Variants in SNRPN observed in about 807,000 individuals in gnomAD.
SNRPN encodes small nuclear ribonucleoprotein polypeptide N.
Under a neutral mutation model 25.2 loss-of-function variants are expected in SNRPN, and 7 were observed. The observed-to-expected ratio is 0.28, with a 90% CI of 0.16 to 0.52. The LOEUF (loss-of-function observed/expected upper bound fraction) is 0.52, where lower values mean the gene tolerates loss of function less well. Ranked by LOEUF, SNRPN falls within the 20% of genes least tolerant of loss-of-function variation. SNRPN has a pLI of 0.96. For synonymous variants in SNRPN, 124 were observed against 110.6 expected, an observed-to-expected ratio of 1.12 and a Z score of -0.76; for missense variants, 196 against 322.5, an observed-to-expected ratio of 0.61 and a Z score of 3.00.
intron 2 of SNRPN, among the ~76,000 whole-genome samples, chr15:24,889,133 G>A (rs960978707): frequency 1.3e-5 from 2 of 151,938 alleles, no homozygotes; most frequent in African/African-American, 4.8e-5. Flanking sequence ...GGCCAGGCTG[G>A]TCTCGAACTC....
chr15:24,883,553 C>T (rs1375261125), intron 1 of SNRPN, among the ~76,000 whole-genome samples: 1 of 152,188 alleles, frequency 6.6e-6, no homozygotes. Context: ...TGCAATTGCA[C>T]TTTGGATAAT....
chr15:24,876,787 G>T (rs973212195), intron 1 of SNRPN, among the ~76,000 whole-genome samples: 1 of 152,028 alleles, frequency 6.6e-6, no homozygotes, highest in Non-Finnish European at 1.5e-5. Context: ...ATGTAAATTA[G>T]AACTAATAAA....
intron 2 of SNRPN, chr15:24,849,417 CA>C (rs1041597085): frequency 6.6e-6 from 1 of 152,264 alleles, no homozygotes; most frequent in African/African-American, 2.4e-5. Context: ...TTCCCTAGGA[CA>C]CTGGGAGAAT....
intron 1 of SNRPN, among the ~76,000 whole-genome samples, chr15:24,824,348 C>T (rs2049929684): frequency 6.6e-6 from 1 of 152,036 alleles, no homozygotes; most frequent in African/African-American, 2.4e-5. Flanking sequence ...AAATGAGTGT[C>T]GTCATATTGT....
chr15:24,941,675 C>T (rs1310013351), intron 3 of SNRPN, among the ~76,000 whole-genome samples: 2 of 152,178 alleles, frequency 1.3e-5, no homozygotes, highest in Non-Finnish European at 2.9e-5. Context: ...CCTTGGTAAT[C>T]AGGATGAGTG....
chr15:24,916,236 A>T lies in SNRPN; in HGVS notation c.-504-3775A>T, dbSNP rs925941481. On this transcript the variant is annotated intron_variant, in intron 2 of 11. Coordinates refer to the SNRPN transcript ENST00000400097. ...CGGCCTCCCAAAGTGCTGGGATTAC[A>T]GGCGTGAGCCACCGCGCCCAGCCTT... 1.3e-5 allele frequency among the ~76,000 whole-genome samples: 2 copies of T among 152,300 alleles called. 1 individual carries two copies.
intron 1 of SNRPN, among the ~76,000 whole-genome samples, chr15:24,869,883 C>A (rs1226141421): frequency 6.6e-6 from 1 of 152,176 alleles, no homozygotes; most frequent in African/African-American, 2.4e-5. Flanking sequence ...GAGTTGAGAA[C>A]TCTTTACTGT....
intron 1 of SNRPN, among the ~76,000 whole-genome samples, chr15:24,866,687 C>T (rs541985360): frequency 7.9e-5 from 12 of 152,286 alleles, no homozygotes; most frequent in African/African-American, 2.9e-4. Flanking sequence ...AAACTTCTGC[C>T]CAACCCCACC....
chr15:24,886,996 CTTTT>C (rs2057257070), intron 2 of SNRPN, among the ~76,000 whole-genome samples: 1 of 152,084 alleles, frequency 6.6e-6, no homozygotes, highest in Non-Finnish European at 1.5e-5. Flanking sequence ...GTCAAACTGG[CTTTT>C]AATCGTTAAG....
chr15:24,951,894 G>A (rs1316400690), upstream of SNRPN, among the ~76,000 whole-genome samples: 1 of 152,134 alleles, frequency 6.6e-6, no homozygotes, highest in East Asian at 1.9e-4. Context: ...TCTCTTGGCT[G>A]TCTTTTCACT....
chr15:24,866,649 T>C (rs2054598371), intron 1 of SNRPN, among the ~76,000 whole-genome samples: 1 of 152,166 alleles, frequency 6.6e-6, no homozygotes, highest in South Asian at 2.1e-4. Flanking sequence ...ATTCCTCCTC[T>C]CTGACTGAAA....
chr15:24,927,884 G>A (rs1407782664), intron 3 of SNRPN, among the ~76,000 whole-genome samples: 1 of 152,134 alleles, frequency 6.6e-6, no homozygotes, highest in African/African-American at 2.4e-5. Flanking sequence ...TCCATCTGAA[G>A]TGTTCTTAAG....
chr15:24,882,014 C>G (rs1439367887), intron 1 of SNRPN, among the ~76,000 whole-genome samples: 1 of 152,126 alleles, frequency 6.6e-6, no homozygotes, highest in Non-Finnish European at 1.5e-5. Context: ...TTCCCCGATG[C>G]TCTCAGAGGT....
At chr15:24,826,081 G>T (rs1356502886) in intron 1 of SNRPN, among the ~76,000 whole-genome samples, 2 of 152,032 alleles carry the variant, frequency 1.3e-5, no homozygotes, top group Non-Finnish European at 2.9e-5. Context: ...TTAGCATCAT[G>T]AATAAGATGA....
At chr15:24,862,999 C>T (rs939385414) in intron 1 of SNRPN, among the ~76,000 whole-genome samples, 1 of 150,938 alleles carries the variant, frequency 6.6e-6, no homozygotes, top group Non-Finnish European at 1.5e-5. Flanking sequence ...AGAGGCTGCT[C>T]CCTGCGGACT....
At chr15:24,896,225 G>T (rs1051437166) in intron 2 of SNRPN, among the ~76,000 whole-genome samples, 2 of 152,250 alleles carry the variant, frequency 1.3e-5, no homozygotes, top group African/African-American at 4.8e-5. Context: ...CCTGAAGCAT[G>T]GTGACAGTAG....
At chr15:24,878,829 T>C (rs1595643893) in intron 1 of SNRPN, among the ~76,000 whole-genome samples, 1 of 152,270 alleles carries the variant, frequency 6.6e-6, no homozygotes, top group Non-Finnish European at 1.5e-5. Context: ...GATACTACTT[T>C]AATCATTTCT....
intron 2 of SNRPN, among the ~76,000 whole-genome samples, chr15:24,834,745 CTCTCTCTATA>C (rs2050875437): frequency 1.3e-5 from 1 of 77,012 alleles, no homozygotes; most frequent in Non-Finnish European, 2.4e-5. Flanking sequence ...CTCTCTCTCT[CTCTCTCTATA>C]TATATATATA....
intron 2 of SNRPN, among the ~76,000 whole-genome samples, chr15:24,834,896 C>T (rs2050912989): frequency 7.5e-6 from 1 of 132,960 alleles, no homozygotes; most frequent in South Asian, 2.3e-4. Context: ...TGCACTCCAG[C>T]CTGGGCAACA....
Sources: gnomAD v4.1 joint callset for allele counts (sites outside exome capture counted in the v4.1 genomes callset) on GRCh38, gnomAD v4.1.1 for gene constraint, MANE v1.5 for transcripts, NCBI Gene and HGNC (gene_info 2026-07-23, HGNC 2026-07-21) for gene names.